SALL3: variants seen among roughly 807,000 people sequenced by gnomAD.
SALL3 encodes the protein sal-like protein 3.
SALL3 carries 25 observed loss-of-function variants against 66.2 expected under a neutral mutation model. The observed-to-expected ratio is 0.38, with a 90% confidence interval of 0.28 to 0.53. The LOEUF (loss-of-function observed/expected upper bound fraction) is 0.53. Ranked by LOEUF, SALL3 falls within the 20% of genes least tolerant of loss-of-function variation. The pLI is 0.85. For missense variants in SALL3, 2,194 were observed against 1,916.5 expected (o/e 1.14, Z -2.70); for synonymous variants, 1,152 against 899.1 (o/e 1.28, Z -5.03).
In SALL3 at chr18:78,998,794, G is replaced by A. The variant is rs1914783631; in HGVS notation, c.*1472G>A. Reference sequence around the variant, plus strand: ...TTCTCAGATGAAAGCAAAGCACAGTGTCCTCTGATTTTTCAGAACACAGCC... The same window carrying A: ...TTCTCAGATGAAAGCAAAGCACAGTATCCTCTGATTTTTCAGAACACAGCC... On this transcript the variant is annotated 3_prime_UTR_variant, in exon 3 of 3. Transcript: ENST00000537592. The A allele has an allele frequency of 1.3e-5, 2 of 152,262 alleles. No individual in the cohort carries two copies. The highest frequency in any genetic ancestry group is 4.1e-4 in the South Asian group (2 of 4,834). The allele number at this position is 152,262 out of a possible 1,614,324, so 9.4% of individuals were successfully genotyped here.
chr18:78,993,980 G>A lies in SALL3; in HGVS notation c.1989G>A (p.Lys663=), dbSNP rs1914579954. ...LDSMQTSETS[K]LQQLVENIDK... is the part of the protein sequence containing the mutation. ...CGATGCAAACGTCGGAAACCTCGAA[G>A]CTGCAGCAGCTGGTGGAGAACATCG... The change falls in exon 2 of 3, where the codon AAG becomes AAA. Residue 663 remains lysine (K), a synonymous_variant. Transcript: ENST00000537592. 2 of 1,611,942 alleles carry A rather than the reference G, an allele frequency of 1.2e-6. No homozygotes were observed.
Position 78,993,954 on chromosome 18 carries a change from T to C in SALL3, c.1963T>C (p.Ser655Pro), listed in dbSNP as rs1914578505. Reference protein sequence around the residue: ...AQFPFGGLLDSMQTSETSKLQ... With the variant: ...AQFPFGGLLDPMQTSETSKLQ... ...GTTTCCGTTCGGGGGGCTGCTAGAC[T>C]CGATGCAAACGTCGGAAACCTCGAA... Residue 655 changes from serine to proline, a missense_variant, in exon 2 of 3, where the codon TCG becomes CCG. Coordinates refer to ENST00000537592, the MANE Select transcript of SALL3 (RefSeq NM_171999.4). 1 of 1,611,198 alleles carries C rather than the reference T, an allele frequency of 6.2e-7. No individual in the cohort carries two copies. The highest frequency in any genetic ancestry group is 8.5e-7 in the Non-Finnish European group (1 of 1,179,168).
intron 1 of SALL3, among the ~76,000 whole-genome samples, chr18:78,986,467 G>A (rs542983550): frequency 6.6e-6 from 1 of 152,310 alleles, no homozygotes; most frequent in African/African-American, 2.4e-5. Flanking sequence ...CACAGTAGGG[G>A]TCTCTATTTG....
intron 1 of SALL3, among the ~76,000 whole-genome samples, chr18:78,982,453 A>G (rs911782976): frequency 6.6e-5 from 10 of 152,326 alleles, no homozygotes; most frequent in Non-Finnish European, 1.5e-4. Context: ...AGCAGCTCAC[A>G]TGCTTGTTTG....
intron 1 of SALL3, among the ~76,000 whole-genome samples, chr18:78,987,512 T>C (rs1914286896): frequency 6.6e-6 from 1 of 152,208 alleles, no homozygotes; most frequent in Non-Finnish European, 1.5e-5. Context: ...GGAAGGAATG[T>C]GCACATGGTA....
Position 78,993,101 on chromosome 18 carries a change from C to T in SALL3, c.1110C>T (p.Gly370=). The T allele has an allele frequency of 1.9e-6, 3 of 1,601,856 alleles. No individual in the cohort carries two copies. Among genetic ancestry groups the T allele is most frequent in the Non-Finnish European group, 8.5e-7 (1 of 1,177,146 alleles). ...SPLLPQTSAS[G]VIFPNPLVSI... is the part of the protein sequence containing the mutation. ...TTCTACCTCAGACTTCCGCCAGCGGCGTCATCTTCCCCAACCCGCTGGTCA... is the reference window on the plus strand; with the variant it reads ...TTCTACCTCAGACTTCCGCCAGCGGTGTCATCTTCCCCAACCCGCTGGTCA... The change falls in exon 2 of 3, where the codon GGC becomes GGT. Residue 370 remains glycine (G), a synonymous_variant. Transcript: ENST00000537592.
chr18:78,991,383 T>TG (rs72117247), intron 1 of SALL3, among the ~76,000 whole-genome samples: 32,107 of 90,472 alleles, frequency 0.35, 6,176 homozygotes, highest in East Asian at 0.48. Flanking sequence ...AGTACAAGGG[T>TG]GGGGGGGGGG....
In SALL3 at chr18:78,993,107, C is replaced by T. The variant is rs559460251; in HGVS notation, c.1116C>T (p.Ile372=). 10 of 1,603,278 alleles carry T rather than the reference C, an allele frequency of 6.2e-6. No individual in the cohort carries two copies. In the South Asian group the frequency reaches 8.9e-5, roughly 14 times the overall value. Residue 372 remains isoleucine (I), a synonymous_variant, in exon 2 of 3, where the codon ATC becomes ATT. Coordinates refer to ENST00000537592, the MANE Select transcript of SALL3 (RefSeq NM_171999.4). ...LLPQTSASGV[I]FPNPLVSIAA... ...CTCAGACTTCCGCCAGCGGCGTCAT[C>T]TTCCCCAACCCGCTGGTCAGCATCG...
chr18:78,984,255 C>G (rs1914165029), intron 1 of SALL3, among the ~76,000 whole-genome samples: 1 of 152,156 alleles, frequency 6.6e-6, no homozygotes, highest in South Asian at 2.1e-4. Flanking sequence ...AAAAGCACAA[C>G]CAGGGTTTCT....
In SALL3 at chr18:78,992,130, G is replaced by A. The variant is rs1398057631; in HGVS notation, c.139G>A (p.Gly47Ser). 2 of 1,602,882 alleles carry A rather than the reference G, an allele frequency of 1.2e-6. No homozygotes were observed. The highest frequency in any genetic ancestry group is 1.7e-5 in the Admixed American group (1 of 59,058). Residue 47 changes from glycine (G) to serine (S), a missense_variant, in exon 2 of 3, where the codon GGC becomes AGC. Gly to Ser is a moderately conservative substitution (Grantham distance 56, BLOSUM62 0). Transcript: ENST00000537592. Reference protein sequence around the residue: ...ADSGPESRSGGEETSVCEKCC... With the variant: ...ADSGPESRSGSEETSVCEKCC... ...CAGCGGGCCCGAGAGCCGCAGCGGG[G>A]GCGAGGAGACCAGCGTGTGCGAGAA...
In SALL3 at chr18:78,994,866, G is replaced by A. The variant is rs928380370; in HGVS notation, c.2875G>A (p.Glu959Lys). 5.6e-6 allele frequency: 9 copies of A among 1,606,454 alleles called. No homozygotes were observed. The African/African-American group carries it at 8.0e-5, about 14-fold the overall frequency. Reference protein sequence around the residue: ...GAPGRAGIKEEAPFSLLFLSR... With the variant: ...GAPGRAGIKEKAPFSLLFLSR... The stretch of plus-strand genomic sequence containing the variant: ...CCCTGGCCGCGCGGGCATCAAGGAG[G>A]AGGCGCCCTTCAGCCTGCTGTTCCT... The change falls in exon 2 of 3, where the codon GAG becomes AAG. Residue 959 changes from glutamate to lysine, a missense_variant. Transcript: ENST00000537592.
At chr18:78,981,510 A>G (rs1396466106) in intron 1 of SALL3, among the ~76,000 whole-genome samples, 4 of 152,270 alleles carry the variant, frequency 2.6e-5, no homozygotes, top group Admixed American at 6.5e-5. Flanking sequence ...TTTCCCACAC[A>G]GTGGAGTAAA....
In SALL3 at chr18:78,994,777, A is replaced by G. The variant is rs548990956; in HGVS notation, c.2786A>G (p.Gln929Arg). 4.4e-6 allele frequency: 7 copies of G among 1,599,324 alleles called. No individual in the cohort carries two copies. The highest frequency in any genetic ancestry group is 3.7e-4 in the Middle Eastern group (2 of 5,404). The change falls in exon 2 of 3, where the codon CAG (glutamine) becomes CGG (arginine). Residue 929 changes from glutamine to arginine, a missense_variant. Coordinates refer to ENST00000537592, the MANE Select transcript of SALL3 (RefSeq NM_171999.4). ...SPGLGAPEEP[Q>R]EIPLKTERPD... Reference sequence around the variant, plus strand: ...GGCCTGGGCGCCCCGGAGGAGCCCCAGGAAATCCCGCTCAAGACCGAGAGG... The same window carrying G: ...GGCCTGGGCGCCCCGGAGGAGCCCCGGGAAATCCCGCTCAAGACCGAGAGG...
Position 78,993,012 on chromosome 18 carries a change from T to G in SALL3, c.1021T>G (p.Ser341Ala), listed in dbSNP as rs1914519379. ...AGCCTCGTCGCAGCCGCAGAGCGCATCCACGCCGCCTGCCCTGGCCCCGGG... is the reference window on the plus strand; with the variant it reads ...AGCCTCGTCGCAGCCGCAGAGCGCAGCCACGCCGCCTGCCCTGGCCCCGGG... ...SAASSQPQSA[S>A]TPPALAPGSL... Residue 341 changes from serine (S) to alanine (A), a missense_variant, in exon 2 of 3, where the codon TCC (serine) becomes GCC (alanine). Transcript: ENST00000537592. The G allele has an allele frequency of 3.9e-6, 6 of 1,520,124 alleles. No homozygotes were observed. In the Admixed American group the frequency reaches 6.1e-5, roughly 16 times the overall value. 94.2% of individuals were successfully genotyped at this position (1,520,124 alleles called of 1,614,324 possible).
rs543619153 is a variant in SALL3, at chr18:78,993,035, G to A, written c.1044G>A (p.Pro348=). ...CATCCACGCCGCCTGCCCTGGCCCC[G>A]GGGTCCCTGCTGGGTGCGGCGCCCG... ...QSASTPPALA[P]GSLLGAAPGL... Residue 348 remains proline (P), a synonymous_variant, in exon 2 of 3, where the codon CCG becomes CCA. Coordinates refer to ENST00000537592, the MANE Select transcript of SALL3 (RefSeq NM_171999.4). The A allele has an allele frequency of 1.3e-6, 2 of 1,572,006 alleles. No homozygotes were observed. Among genetic ancestry groups the A allele is most frequent in the Non-Finnish European group, 8.6e-7 (1 of 1,166,544 alleles).
rs1351099130 is a variant in SALL3 at position 78,980,110 on chromosome 18, C to G, written c.-165C>G. On this transcript the variant is annotated 5_prime_UTR_variant, in exon 1 of 3. Coordinates refer to ENST00000537592, the MANE Select transcript of SALL3 (RefSeq NM_171999.4). Reference sequence around the variant, plus strand: ...AATCGGCGCGGCCCTCCGCTAATGGCCATGCATTATTCACCAGCCTAATTG... The same window carrying G: ...AATCGGCGCGGCCCTCCGCTAATGGGCATGCATTATTCACCAGCCTAATTG... Among the ~76,000 whole-genome samples the G allele has an allele frequency of 6.8e-6, 1 of 146,160 alleles. No homozygotes were observed. Among genetic ancestry groups the G allele is most frequent in the Non-Finnish European group, 1.5e-5 (1 of 65,822 alleles).
At position 78,992,544 on chromosome 18, in the gene SALL3, G is replaced by A. The variant is rs186555722; in HGVS notation, c.553G>A (p.Ala185Thr). Reference protein sequence around the residue: ...KVAVAQFSQGARAAGGSGAGG... With the variant: ...KVAVAQFSQGTRAAGGSGAGG... ...GGCGGTGGCGCAGTTCTCGCAGGGC[G>A]CGCGCGCGGCAGGCGGCTCGGGAGC... Residue 185 changes from alanine (A) to threonine (T), a missense_variant, in exon 2 of 3, where the codon GCG (alanine) becomes ACG (threonine). Coordinates refer to ENST00000537592, the MANE Select transcript of SALL3 (RefSeq NM_171999.4). 5 of 1,494,904 alleles carry A rather than the reference G, an allele frequency of 3.3e-6. No homozygotes were observed. Among genetic ancestry groups the A allele is most frequent in the Non-Finnish European group, 4.4e-6 (5 of 1,129,302 alleles). 92.6% of individuals were successfully genotyped at this position (1,494,904 alleles called of 1,614,324 possible). A position where few individuals can be genotyped will look rare whatever the true frequency, so the allele number is the denominator to read the frequency against.
chr18:78,996,329 CA>C (rs941182421), intron 2 of SALL3, among the ~76,000 whole-genome samples: 5 of 152,256 alleles, frequency 3.3e-5, no homozygotes, highest in African/African-American at 1.2e-4. Flanking sequence ...TGGGTTCCGG[CA>C]GCCTCTTCAG....
Position 78,992,881 on chromosome 18 carries a change from C to A in SALL3, c.890C>A (p.Ser297Tyr). ...EGAQPLSRPE[S>Y]GASTPGGPAE... ...GCGCAGCCGCTGTCCCGGCCCGAGT[C>A]TGGCGCCAGCACCCCCGGCGGCCCT... The change falls in exon 2 of 3, where the codon TCT (serine) becomes TAT (tyrosine). Residue 297 changes from serine to tyrosine, a missense_variant. By Grantham distance (144) the Ser-to-Tyr change is moderately radical. Coordinates refer to ENST00000537592, the MANE Select transcript of SALL3 (RefSeq NM_171999.4). The A allele has an allele frequency of 1.0e-6, 1 of 986,352 alleles. No homozygotes were observed. Among genetic ancestry groups the A allele is most frequent in the South Asian group, 4.4e-5 (1 of 22,730 alleles). The allele number at this position is 986,352 out of a possible 1,614,324, so 61.1% of individuals were successfully genotyped here.
Sources: allele counts gnomAD v4.1 joint callset (sites outside exome capture counted in the v4.1 genomes callset), GRCh38; gene constraint gnomAD v4.1.1; transcripts MANE v1.5; gene names NCBI Gene and HGNC (gene_info 2026-07-23, HGNC 2026-07-21).